RANBP17: variants seen among roughly 807,000 people sequenced by gnomAD.
The protein encoded by RANBP17 is ran-binding protein 17.
RANBP17 carries 158 observed loss-of-function variants against 141.2 expected under a neutral mutation model. The observed-to-expected ratio is 1.12, with a 90% CI of 0.98 to 1.28. The LOEUF (loss-of-function observed/expected upper bound fraction) is 1.28. RANBP17 is among the 50% of genes most tolerant of loss of function. RANBP17 has a pLI of 0.00. For synonymous variants in RANBP17, 430 were observed against 450.0 expected (o/e 0.96, Z 0.56); for missense variants, 1,438 against 1,290.7 (o/e 1.11, Z -1.75).
intron 26 of RANBP17, among the ~76,000 whole-genome samples, chr5:171,294,689 C>G (rs1014038161): frequency 1.3e-5 from 2 of 152,188 alleles, no homozygotes; most frequent in Non-Finnish European, 2.9e-5. Context: ...TCTCATCATT[C>G]ACCTGTGCTG....
At chr5:171,262,762 T>C (rs1766418722) in intron 24 of RANBP17, among the ~76,000 whole-genome samples, 1 of 152,216 alleles carries the variant, frequency 6.6e-6, no homozygotes, top group African/African-American at 2.4e-5. Flanking sequence ...GCTATACTTT[T>C]GTATCCATTA....
chr5:171,089,493 C>G (rs1225636583), intron 14 of RANBP17, among the ~76,000 whole-genome samples: 4 of 150,328 alleles, frequency 2.7e-5, no homozygotes, highest in African/African-American at 9.7e-5. Flanking sequence ...CCACCCAGCT[C>G]GAGCTTCCCG....
intron 14 of RANBP17, among the ~76,000 whole-genome samples, chr5:171,016,055 C>T (rs1780401743): frequency 6.6e-6 from 1 of 152,048 alleles, no homozygotes; most frequent in African/African-American, 2.4e-5. Flanking sequence ...GCTACTTTGA[C>T]CTCTGGATTT....
At chr5:170,881,019 A>G (rs1242243467) in intron 2 of RANBP17, among the ~76,000 whole-genome samples, 2 of 152,226 alleles carry the variant, frequency 1.3e-5, no homozygotes, top group Non-Finnish European at 2.9e-5. Context: ...GCAGTGTGTA[A>G]ATGAATGAGC....
intron 1 of RANBP17, chr5:170,863,381 C>T (rs1037095435): frequency 6.6e-6 from 1 of 152,156 alleles, no homozygotes; most frequent in African/African-American, 2.4e-5. Context: ...CTTTTGAACC[C>T]CCTGTGATCA....
chr5:171,041,639 C>T (rs1036659274), intron 14 of RANBP17, among the ~76,000 whole-genome samples: 2 of 152,218 alleles, frequency 1.3e-5, no homozygotes, highest in East Asian at 3.9e-4. Flanking sequence ...ACCTGTACAG[C>T]ATGTTACTAT....
chr5:170,996,981 C>A (rs994092322), intron 14 of RANBP17, among the ~76,000 whole-genome samples: 1 of 152,136 alleles, frequency 6.6e-6, no homozygotes, highest in Non-Finnish European at 1.5e-5. Context: ...CCACCCAAAT[C>A]TCATTTTGAA....
At chr5:170,990,231 A>T (rs1447098312) in intron 14 of RANBP17, among the ~76,000 whole-genome samples, 1 of 151,876 alleles carries the variant, frequency 6.6e-6, no homozygotes, top group African/African-American at 2.4e-5. Context: ...CTACACATAA[A>T]TGAATGCAAT....
chr5:171,095,024 A>G (rs1349149387), intron 14 of RANBP17, among the ~76,000 whole-genome samples: 5 of 152,174 alleles, frequency 3.3e-5, no homozygotes, highest in African/African-American at 9.7e-5. Context: ...CTATTCCAAC[A>G]TGTTATAACA....
At chr5:170,975,868 C>T (rs1017516862) in intron 14 of RANBP17, among the ~76,000 whole-genome samples, 2 of 151,740 alleles carry the variant, frequency 1.3e-5, no homozygotes, top group Middle Eastern at 3.4e-3. Flanking sequence ...ACAGAAACAC[C>T]AAAATGGATT....
At chr5:171,229,835 G>A (rs1468574352) in intron 22 of RANBP17, among the ~76,000 whole-genome samples, 1 of 150,982 alleles carries the variant, frequency 6.6e-6, no homozygotes, top group African/African-American at 2.4e-5. Flanking sequence ...GGAGGCCAGG[G>A]CGAGTGGGTC....
intron 12 of RANBP17, among the ~76,000 whole-genome samples, chr5:170,941,408 A>G (rs1266150613): frequency 6.6e-6 from 1 of 152,170 alleles, no homozygotes; most frequent in Non-Finnish European, 1.5e-5. Flanking sequence ...TTAATAATGG[A>G]TACAGCAAAG....
intron 14 of RANBP17, among the ~76,000 whole-genome samples, chr5:171,154,194 T>C (rs1216384478): frequency 6.6e-6 from 1 of 151,834 alleles, no homozygotes; most frequent in Non-Finnish European, 1.5e-5. Flanking sequence ...AACAAATGAA[T>C]TTAACCTACT....
intron 13 of RANBP17, among the ~76,000 whole-genome samples, chr5:170,960,737 C>T (rs964988373): frequency 2.0e-5 from 3 of 152,166 alleles, no homozygotes; most frequent in East Asian, 1.9e-4. Context: ...TTGGCTTGAA[C>T]TATGCAATGA....
chr5:171,049,904 A>T (rs891354954), intron 14 of RANBP17, among the ~76,000 whole-genome samples: 6 of 152,170 alleles, frequency 3.9e-5, no homozygotes, highest in Non-Finnish European at 7.3e-5. Context: ...TGGTAATGTG[A>T]TGCCTCCAGC....
intron 12 of RANBP17, among the ~76,000 whole-genome samples, chr5:170,945,522 A>G (rs923791562): frequency 2.6e-5 from 4 of 152,182 alleles, no homozygotes; most frequent in African/African-American, 9.6e-5. Context: ...TGTAAGATTA[A>G]GTAGCCTAGT....
Position 171,174,326 on chromosome 5 carries a change from G to T in RANBP17, c.1865+3040G>T, listed in dbSNP as rs148204202. ...AGCCAGCCCGCTGTGTTCAAGTTCAGTACTTGGGGATCTTTCCCTTCTTTG... is the reference window on the plus strand; with the variant it reads ...AGCCAGCCCGCTGTGTTCAAGTTCATTACTTGGGGATCTTTCCCTTCTTTG... On this transcript the variant is annotated intron_variant, in intron 16 of 27. Transcript: ENST00000523189. Among the ~76,000 whole-genome samples the T allele has an allele frequency of 2.1e-4, 32 of 152,242 alleles. No homozygotes were observed. In the East Asian group the frequency reaches 6.2e-3, roughly 29 times the overall value.
chr5:171,236,924 T>C (rs535512779), intron 22 of RANBP17, among the ~76,000 whole-genome samples: 4 of 152,310 alleles, frequency 2.6e-5, no homozygotes, highest in African/African-American at 9.6e-5. Flanking sequence ...TATCTTCTGT[T>C]ACAATATTAT....
chr5:171,061,579 C>A (rs1279034266), intron 14 of RANBP17, among the ~76,000 whole-genome samples: 1 of 152,042 alleles, frequency 6.6e-6, no homozygotes, highest in African/African-American at 2.4e-5. Flanking sequence ...GCTTTACTTC[C>A]AACTATGTGG....
Sources: allele counts gnomAD v4.1 joint callset (sites outside exome capture counted in the v4.1 genomes callset), GRCh38; gene constraint gnomAD v4.1.1; transcripts MANE v1.5; gene names NCBI Gene and HGNC (gene_info 2026-07-23, HGNC 2026-07-21).